The following TCF4 variants were observed in gnomAD, a reference collection of about 807,000 sequenced individuals.
TCF4 encodes the protein SL3-3 enhancer factor 2.
Under a neutral mutation model 82.1 loss-of-function variants are expected in TCF4, and 3 were observed. That is an observed-to-expected ratio of 0.04 (90% confidence interval 0.02 to 0.09). The LOEUF is 0.09. TCF4 is among the 10% of genes least tolerant of loss of function. The pLI, the probability that TCF4 is intolerant of heterozygous loss-of-function variation, is 1.00. For synonymous variants in TCF4, 276 were observed against 309.6 expected (o/e 0.89, Z 1.14); for missense variants, 518 against 852.7 (o/e 0.61, Z 4.89).
chr18:55,259,626 T>C, intron 13 of TCF4: 1 of 281,096 alleles, frequency 3.6e-6, no homozygotes, highest in Non-Finnish European at 6.7e-6. Context: ...CTGAGTTTTT[T>C]TCATCTGAGA....
At chr18:55,348,903 C>T (rs2081761574) in intron 8 of TCF4, among the ~76,000 whole-genome samples, 1 of 152,064 alleles carries the variant, frequency 6.6e-6, no homozygotes, top group Non-Finnish European at 1.5e-5. Flanking sequence ...ATATTAAGTT[C>T]AGGCATGTTT....
At position 55,633,248 on chromosome 18, in the gene TCF4, C is replaced by G. The variant is rs370478332; in HGVS notation, c.196-1860G>C. ...AGTTCCTCTAAAGGATTGACCAAGCCTGCAGTATCAGCTTCTAAGGTGGCT... is the reference window on the plus strand; with the variant it reads ...AGTTCCTCTAAAGGATTGACCAAGCGTGCAGTATCAGCTTCTAAGGTGGCT... On this transcript the variant is annotated intron_variant, in intron 1 of 20. Transcript: ENST00000398339. This position sits in a 1 kb window ranked among gnomAD's most constrained non-coding sequence, Gnocchi z 4.0. Among the ~76,000 whole-genome samples the G allele has an allele frequency of 1.3e-3, 191 of 152,306 alleles. No homozygotes were observed. Among genetic ancestry groups the G allele is most frequent in the African/African-American group, 4.4e-3 (182 of 41,566 alleles).
intron 17 of TCF4, chr18:55,230,983 G>GT (rs2047763944): frequency 1.3e-5 from 2 of 152,256 alleles, no homozygotes; most frequent in African/African-American, 4.8e-5. Context: ...TCTCCATAGC[G>GT]TAAGCGCCTT....
chr18:55,635,107 T>A (rs1246042285), intron 1 of TCF4, among the ~76,000 whole-genome samples: 1 of 152,164 alleles, frequency 6.6e-6, no homozygotes, highest in African/African-American at 2.4e-5. Flanking sequence ...CCATGGATTA[T>A]GAATACTGAG....
intron 3 of TCF4, among the ~76,000 whole-genome samples, chr18:55,564,224 C>CA (rs1473385815): frequency 6.6e-6 from 1 of 152,130 alleles, no homozygotes; most frequent in African/African-American, 2.4e-5. Flanking sequence ...CCAATGTAGC[C>CA]AAACAGTATA....
intron 3 of TCF4, among the ~76,000 whole-genome samples, chr18:55,572,643 T>C (rs1426661451): frequency 6.6e-6 from 1 of 152,216 alleles, no homozygotes; most frequent in African/African-American, 2.4e-5. Context: ...AGACATTCAG[T>C]AACTTCTGTG....
intron 2 of TCF4, among the ~76,000 whole-genome samples, chr18:55,617,796 A>C (rs948018280): frequency 1.4e-5 from 2 of 145,536 alleles, no homozygotes; most frequent in African/African-American, 5.1e-5. Flanking sequence ...ACTTTAGTGA[A>C]TTCATTAATT....
intron 8 of TCF4, among the ~76,000 whole-genome samples, chr18:55,304,852 T>C (rs1406492643): frequency 6.6e-6 from 1 of 152,192 alleles, no homozygotes; most frequent in Admixed American, 6.5e-5. Flanking sequence ...TCTGAAAGCC[T>C]GAACCGCCTT....
At chr18:55,611,355 C>T (rs978726301) in intron 2 of TCF4, among the ~76,000 whole-genome samples, 1 of 152,164 alleles carries the variant, frequency 6.6e-6, no homozygotes, top group African/African-American at 2.4e-5. Flanking sequence ...TTTTCTACCA[C>T]TCTACTATGA....
At chr18:55,343,226 G>A (rs1050991585) in intron 8 of TCF4, among the ~76,000 whole-genome samples, 4 of 152,052 alleles carry the variant, frequency 2.6e-5, no homozygotes, top group African/African-American at 9.7e-5. Context: ...CAAAGGAAAT[G>A]CCCTTTAATC....
intron 3 of TCF4, among the ~76,000 whole-genome samples, chr18:55,529,984 G>A (rs750213798): frequency 1.3e-5 from 2 of 152,136 alleles, no homozygotes; most frequent in African/African-American, 2.4e-5. Context: ...TGCTGTTTCT[G>A]AGATAATACG....
At chr18:55,338,864 T>C (rs566051765) in intron 8 of TCF4, among the ~76,000 whole-genome samples, 1 of 152,344 alleles carries the variant, frequency 6.6e-6, no homozygotes, top group East Asian at 1.9e-4. Flanking sequence ...CTGCAATTGC[T>C]GGGCATTTCA....
Position 55,343,010 on chromosome 18 carries a change from G to A in TCF4, c.549+7349C>T, listed in dbSNP as rs187792154. ...AATGATATGGGCCATGGAGGGAGGA[G>A]GCTCCTGTAGACACTTAGGTATTCT... On this transcript the variant is annotated intron_variant, in intron 8 of 19. Coordinates refer to ENST00000354452, the MANE Select transcript of TCF4 (RefSeq NM_001083962.2). Among the ~76,000 whole-genome samples, 120 of 152,154 alleles carry A rather than the reference G, an allele frequency of 7.9e-4. 1 individual carries two copies. Among genetic ancestry groups the A allele is most frequent in the African/African-American group, 2.9e-3 (119 of 41,538 alleles).
At chr18:55,567,127 G>T (rs1346544916) in intron 3 of TCF4, among the ~76,000 whole-genome samples, 3 of 151,918 alleles carry the variant, frequency 2.0e-5, no homozygotes, top group Non-Finnish European at 4.4e-5. Flanking sequence ...TGGAATAACT[G>T]AAAACAAAAA....
At chr18:55,262,926 C>T (rs1033110048) in intron 11 of TCF4, among the ~76,000 whole-genome samples, 1 of 152,136 alleles carries the variant, frequency 6.6e-6, no homozygotes, top group African/African-American at 2.4e-5. Flanking sequence ...CCTGCCTCAG[C>T]CTCCTGAGTA....
chr18:55,528,557 A>C (rs1181331069), intron 3 of TCF4, among the ~76,000 whole-genome samples: 2 of 152,172 alleles, frequency 1.3e-5, no homozygotes, highest in Non-Finnish European at 2.9e-5. Flanking sequence ...ATTTTTGACA[A>C]GATGTAAAAG....
At chr18:55,231,836 T>C (rs2048005757) in intron 17 of TCF4, 1 of 152,224 alleles carries the variant, frequency 6.6e-6, no homozygotes, top group African/African-American at 2.4e-5. Flanking sequence ...GACAATTGGT[T>C]GAATTTGTGA....
At chr18:55,572,880 C>A (rs1311348410) in intron 3 of TCF4, among the ~76,000 whole-genome samples, 1 of 152,030 alleles carries the variant, frequency 6.6e-6, no homozygotes, top group Non-Finnish European at 1.5e-5. Context: ...ACGGAGAAAC[C>A]CTGTCTCTAC....
intron 6 of TCF4, among the ~76,000 whole-genome samples, chr18:55,352,879 A>G (rs1433314451): frequency 6.6e-6 from 1 of 152,170 alleles, no homozygotes; most frequent in Non-Finnish European, 1.5e-5. Flanking sequence ...ATTTCCATCA[A>G]TAAAGCTGTG....
Sources: gnomAD v4.1 joint callset for allele counts (sites outside exome capture counted in the v4.1 genomes callset) on GRCh38, gnomAD v4.1.1 for gene constraint, Gnocchi (gnomAD v3.1) non-coding constraint, MANE v1.5 for transcripts, NCBI Gene and HGNC (gene_info 2026-07-23, HGNC 2026-07-21) for gene names.